Variants in CST3 observed in about 807,000 individuals in gnomAD.
CST3 encodes the protein cystatin-C.
CST3 carries 14 observed loss-of-function variants against 9.0 expected under a neutral mutation model. That is an observed-to-expected ratio of 1.56 (90% CI 1.03 to 2.44). CST3 has a LOEUF of 2.44. CST3 is among the 30% of genes most tolerant of loss of function. The pLI, the probability that CST3 is intolerant of heterozygous loss-of-function variation, is 0.00. For missense variants in CST3, 237 were observed against 204.3 expected (o/e 1.16, Z -0.98); for synonymous variants, 96 against 90.2 (o/e 1.06, Z -0.37).
At chr20:23,636,334 A>T (rs1979673558) in intron 1 of CST3, among the ~76,000 whole-genome samples, 1 of 152,180 alleles carries the variant, frequency 6.6e-6, no homozygotes, top group African/African-American at 2.4e-5. Context: ...GATGCAGGTC[A>T]AGCTGGGCCT....
In CST3 at chr20:23,633,902, C is replaced by A. The variant is rs933693136; in HGVS notation, c.*14G>T. 2.5e-6 allele frequency: 4 copies of A among 1,611,912 alleles called. No individual in the cohort carries two copies. Among genetic ancestry groups the A allele is most frequent in the Non-Finnish European group, 3.4e-6 (4 of 1,178,036 alleles). On this transcript the variant is annotated 3_prime_UTR_variant, in exon 3 of 3. Transcript: ENST00000376925. ...ATAAGAGGTGATAGGCACAGGCCAG[C>A]CCGGTACAGACCCCTAGGCGTCCTG... is the stretch of plus-strand genomic sequence containing the variant.
intron 1 of CST3, among the ~76,000 whole-genome samples, chr20:23,637,376 C>T (rs1979717404): frequency 6.6e-6 from 1 of 152,222 alleles, no homozygotes; most frequent in Non-Finnish European, 1.5e-5. Context: ...GAGCTGGCTC[C>T]TGGAAGCTGA....
In CST3 at chr20:23,637,652, G is replaced by C. The variant is rs11542364; in HGVS notation, c.211C>G (p.Arg71Gly). 2 of 1,528,702 alleles carry C rather than the reference G, an allele frequency of 1.3e-6. No individual in the cohort carries two copies. The highest frequency in any genetic ancestry group is 2.3e-4 in the Middle Eastern group (1 of 4,348). The allele number at this position is 1,528,702 out of a possible 1,614,324, so 94.7% of individuals were successfully genotyped here. ...CGGGCGCGCACCACCTGCAGCGCGCGGCTGTGGTACATGTCGTTGCTGGCT... is the reference window on the plus strand; with the variant it reads ...CGGGCGCGCACCACCTGCAGCGCGCCGCTGTGGTACATGTCGTTGCTGGCT... ...NKASNDMYHS[R>G]ALQVVRARKQ... Residue 71 changes from arginine to glycine, a missense_variant, in exon 1 of 3, where the codon CGC (arginine) becomes GGC (glycine). Coordinates refer to ENST00000376925, the MANE Select transcript of CST3 (RefSeq NM_000099.4).
rs746955131 is a variant in CST3, at chr20:23,637,845, G to A, written c.18C>T (p.Arg6=). The A allele has an allele frequency of 1.5e-4, 209 of 1,435,166 alleles. No homozygotes were observed. Among genetic ancestry groups the A allele is most frequent in the Non-Finnish European group, 1.8e-4 (203 of 1,102,110 alleles). 88.9% of individuals were successfully genotyped at this position (1,435,166 alleles called of 1,614,324 possible). The change falls in exon 1 of 3, where the codon CGC becomes CGT. Residue 6 remains arginine (R), a synonymous_variant. Transcript: ENST00000376925. ...GGATGGCCAGCAGGAGCAGCGGGGC[G>A]CGCAGGGGCCCGGCCATGGTCGGCT... The part of the protein sequence containing the change: MAGPL[R]APLLLLAILA...
At chr20:23,626,717 C>CT (rs1979270857) in exon 4 of CST3, 1 of 152,126 alleles carries the variant, frequency 6.6e-6, no homozygotes, top group Non-Finnish European at 1.5e-5. Context: ...TGTTTGTACA[C>CT]TTTAAGAATT....
At chr20:23,636,170 G>C (rs3787499) in intron 1 of CST3, among the ~76,000 whole-genome samples, 1 of 152,110 alleles carries the variant, frequency 6.6e-6, no homozygotes, top group African/African-American at 2.4e-5. Context: ...GCAGGCCAGC[G>C]GGGACCCTAC....
downstream of CST3, chr20:23,633,531 C>T: frequency 2.7e-6 from 1 of 377,204 alleles, no homozygotes; most frequent in South Asian, 2.5e-5. Context: ...GATGGCCTTG[C>T]TGTGGCCGCG....
At position 23,635,315 on chromosome 20, in the gene CST3, C is replaced by A. The variant is rs781340850; in HGVS notation, c.296G>T (p.Cys99Phe). 2 of 1,613,792 alleles carry A rather than the reference C, an allele frequency of 1.2e-6. No individual in the cohort carries two copies. Among genetic ancestry groups the A allele is most frequent in the Non-Finnish European group, 1.7e-6 (2 of 1,179,776 alleles). ...FLDVELGRTT[C>F]TKTQPNLDNC... ...GTCCAAGTTGGGCTGGGTCTTGGTA[C>A]ACGTGGTTCGGCCCAGCTCCACGTC... is the stretch of plus-strand genomic sequence containing the variant. The change falls in exon 2 of 3, where the codon TGT becomes TTT. Residue 99 changes from cysteine (C) to phenylalanine (F), a missense_variant. Cys to Phe is a radical substitution (Grantham distance 205). Coordinates refer to ENST00000376925, the MANE Select transcript of CST3 (RefSeq NM_000099.4).
intron 1 of CST3, among the ~76,000 whole-genome samples, 159 bp downstream of exon 1, chr20:23,637,461 C>T (rs534298049): frequency 2.6e-5 from 4 of 152,306 alleles, no homozygotes; most frequent in African/African-American, 4.8e-5. Flanking sequence ...TTCCCGGACA[C>T]GCCCGCCAAG....
At chr20:23,636,608 G>A (rs1261924317) in intron 1 of CST3, among the ~76,000 whole-genome samples, 1 of 152,152 alleles carries the variant, frequency 6.6e-6, no homozygotes, top group African/African-American at 2.4e-5. Flanking sequence ...AGGCTCACGT[G>A]TGGCCCCTGC....
chr20:23,637,826 C>T lies in CST3; in HGVS notation c.37G>A (p.Ala13Thr). ...ACGGCCAGGGCCACGGCCAGGATGG[C>T]CAGCAGGAGCAGCGGGGCGCGCAGG... The part of the protein sequence containing the change: ...GPLRAPLLLL[A>T]ILAVALAVSP... Residue 13 changes from alanine (A) to threonine (T), a missense_variant, in exon 1 of 3, where the codon GCC becomes ACC. Transcript: ENST00000376925. 1.4e-6 allele frequency: 2 copies of T among 1,481,168 alleles called. No homozygotes were observed. Among genetic ancestry groups the T allele is most frequent in the Non-Finnish European group, 1.8e-6 (2 of 1,118,756 alleles). The allele number at this position is 1,481,168 out of a possible 1,614,324, so 91.8% of individuals were successfully genotyped here. A position where few individuals can be genotyped will look rare whatever the true frequency, so the allele number is the denominator to read the frequency against.
rs752255286 is a variant in CST3, at chr20:23,633,889, A to G, written c.*27T>C. On this transcript the variant is annotated 3_prime_UTR_variant, in exon 3 of 3. Coordinates refer to ENST00000376925, the MANE Select transcript of CST3 (RefSeq NM_000099.4). ...GTGGGAGGTGTGCATAAGAGGTGAT[A>G]GGCACAGGCCAGCCCGGTACAGACC... 25 of 1,594,974 alleles carry G rather than the reference A, an allele frequency of 1.6e-5. No homozygotes were observed. The highest frequency in any genetic ancestry group is 2.1e-5 in the Non-Finnish European group (24 of 1,162,778).
downstream of CST3, among the ~76,000 whole-genome samples, chr20:23,633,433 G>C (rs918806280): frequency 6.6e-6 from 1 of 152,146 alleles, no homozygotes; most frequent in African/African-American, 2.4e-5. Flanking sequence ...CCCTCACCAG[G>C]GGCTGCTGTG....
rs761370447 is a variant in CST3 at position 23,635,331 on chromosome 20, G to A, written c.280C>T (p.Leu94=). The change falls in exon 2 of 3, where the codon CTG becomes TTG. Residue 94 remains leucine, a synonymous_variant. Transcript: ENST00000376925. ...GTCTTGGTACACGTGGTTCGGCCCAGCTCCACGTCCAAGAAGTAGTTCACC... is the reference window on the plus strand; with the variant it reads ...GTCTTGGTACACGTGGTTCGGCCCAACTCCACGTCCAAGAAGTAGTTCACC... The part of the protein sequence containing the change: ...AGVNYFLDVE[L]GRTTCTKTQP... 9.3e-6 allele frequency: 15 copies of A among 1,613,844 alleles called. No individual in the cohort carries two copies. In the South Asian group the frequency reaches 1.6e-4, roughly 18 times the overall value.
intron 1 of CST3, among the ~76,000 whole-genome samples, chr20:23,635,574 CTTGT>C (rs898985287): frequency 6.6e-6 from 1 of 152,232 alleles, no homozygotes; most frequent in African/African-American, 2.4e-5. Context: ...TCCCCGGTAA[CTTGT>C]TTCTCTATGC....
At chr20:23,631,490 C>T (rs757508201), downstream of CST3, among the ~76,000 whole-genome samples, 29 of 152,224 alleles carry the variant, frequency 1.9e-4, no homozygotes, top group Non-Finnish European at 2.9e-4. Flanking sequence ...CTTGCAGCCA[C>T]GCAGGACACG....
chr20:23,634,288 C>T (rs1284552356), intron 2 of CST3, among the ~76,000 whole-genome samples: 3 of 152,104 alleles, frequency 2.0e-5, no homozygotes, highest in African/African-American at 7.2e-5. Flanking sequence ...TGCAAGGCCT[C>T]GGGAGCCCTA....
Position 23,637,799 on chromosome 20 carries a change from T to C in CST3, c.64A>G (p.Ser22Gly). 1 of 1,413,318 alleles carries C rather than the reference T, an allele frequency of 7.1e-7. No individual in the cohort carries two copies. The highest frequency in any genetic ancestry group is 3.5e-5 in the East Asian group (1 of 28,814). The allele number at this position is 1,413,318 out of a possible 1,614,324, so 87.5% of individuals were successfully genotyped here. A position where few individuals can be genotyped will look rare whatever the true frequency, so the allele number is the denominator to read the frequency against. Reference protein sequence around the residue: ...LAILAVALAVSPAAGSSPGKP... With the variant: ...LAILAVALAVGPAAGSSPGKP... ...CCGGGACTGGAGCCGGCCGCGGGGC[T>C]CACGGCCAGGGCCACGGCCAGGATG... is the stretch of plus-strand genomic sequence containing the variant. Residue 22 changes from serine (S) to glycine (G), a missense_variant, in exon 1 of 3, where the codon AGC becomes GGC. Transcript: ENST00000376925.
At chr20:23,634,844 T>C (rs1979596658) in intron 2 of CST3, among the ~76,000 whole-genome samples, 1 of 152,092 alleles carries the variant, frequency 6.6e-6, no homozygotes, top group African/African-American at 2.4e-5. Flanking sequence ...TACGGATCTA[T>C]GCATGAATCC....
Sources: gnomAD v4.1 joint callset for allele counts (sites outside exome capture counted in the v4.1 genomes callset) on GRCh38, gnomAD v4.1.1 for gene constraint, MANE v1.5 for transcripts, NCBI Gene and HGNC (gene_info 2026-07-23, HGNC 2026-07-21) for gene names.